The following GRB10 variants were observed in gnomAD, a reference collection of about 807,000 sequenced individuals.
GRB10 encodes the protein growth factor receptor bound protein 10.
GRB10 carries 20 observed loss-of-function variants against 80.9 expected under a neutral mutation model. That is an observed-to-expected ratio of 0.25 (90% confidence interval 0.17 to 0.36). GRB10 has a LOEUF of 0.36. GRB10 is among the 10% of genes least tolerant of loss of function. The pLI is 1.00. For missense variants in GRB10, 548 were observed against 747.7 expected, an observed-to-expected ratio of 0.73 and a Z score of 3.12; for synonymous variants, 291 against 291.5, an observed-to-expected ratio of 1.00 and a Z score of 0.02.
At chr7:50,676,988 C>A (rs889750818) in intron 5 of GRB10, among the ~76,000 whole-genome samples, 21 of 152,138 alleles carry the variant, frequency 1.4e-4, no homozygotes, top group Admixed American at 1.0e-3. Flanking sequence ...CACATTCAAA[C>A]CAGGGCCAGG....
intron 7 of GRB10, among the ~76,000 whole-genome samples, chr7:50,637,465 A>G (rs2153602745): frequency 6.6e-6 from 1 of 152,284 alleles, no homozygotes; most frequent in South Asian, 2.1e-4. Context: ...ATACATACAC[A>G]TAATACGTAA....
chr7:50,783,892 G>GA (rs1432394224), upstream of GRB10, among the ~76,000 whole-genome samples: 1 of 152,212 alleles, frequency 6.6e-6, no homozygotes, highest in Non-Finnish European at 1.5e-5. Flanking sequence ...TCAGGCCCCT[G>GA]AAGGTCACTG....
chr7:50,778,356 A>C (rs1371401788), intron 2 of GRB10, among the ~76,000 whole-genome samples: 1 of 152,218 alleles, frequency 6.6e-6, no homozygotes, highest in African/African-American at 2.4e-5. Flanking sequence ...CCAGCCTAGG[A>C]AGACTGTTAA....
chr7:50,649,602 T>A (rs1467969320), intron 7 of GRB10, among the ~76,000 whole-genome samples: 1 of 152,126 alleles, frequency 6.6e-6, no homozygotes, highest in Non-Finnish European at 1.5e-5. Flanking sequence ...TTCAAATGAC[T>A]CTCTAGAAAT....
At chr7:50,628,575 G>GCA (rs1467596238) in intron 7 of GRB10, among the ~76,000 whole-genome samples, 1 of 149,950 alleles carries the variant, frequency 6.7e-6, no homozygotes, top group Non-Finnish European at 1.5e-5. Context: ...GGGGGTGGTG[G>GCA]GGGTGGTAGA....
chr7:50,781,586 T>C (rs2078284741), intron 1 of GRB10: 1 of 152,312 alleles, frequency 6.6e-6, no homozygotes, highest in Non-Finnish European at 1.5e-5. Context: ...AGGAGAGCTT[T>C]GCGGGTTTAG....
intron 4 of GRB10, among the ~76,000 whole-genome samples, chr7:50,712,857 T>G (rs904257534): frequency 1.3e-5 from 2 of 152,240 alleles, no homozygotes; most frequent in African/African-American, 4.8e-5. Flanking sequence ...ATAAATTTCA[T>G]CTGTTGGAAG....
chr7:50,769,764 G>C (rs2076781720), intron 2 of GRB10, among the ~76,000 whole-genome samples: 1 of 151,900 alleles, frequency 6.6e-6, no homozygotes, highest in Non-Finnish European at 1.5e-5. Context: ...TGCTTTCTCT[G>C]CAACACCCTT....
At chr7:50,614,198 GTA>G (rs1162229996) in intron 12 of GRB10, among the ~76,000 whole-genome samples, 2 of 152,224 alleles carry the variant, frequency 1.3e-5, no homozygotes, top group Non-Finnish European at 2.9e-5. Flanking sequence ...GCACAAAGGT[GTA>G]TGTCTATACC....
At chr7:50,751,128 C>A (rs1021579552) in intron 3 of GRB10, among the ~76,000 whole-genome samples, 7 of 152,138 alleles carry the variant, frequency 4.6e-5, no homozygotes, top group Non-Finnish European at 7.4e-5. Context: ...TTGGACACTG[C>A]CCTCCTCACC....
At chr7:50,707,426 C>A (rs2065190800) in intron 4 of GRB10, among the ~76,000 whole-genome samples, 1 of 152,204 alleles carries the variant, frequency 6.6e-6, no homozygotes. Context: ...ACAGAGCTGC[C>A]CGCTCCCGGG....
intron 8 of GRB10, among the ~76,000 whole-genome samples, chr7:50,619,665 G>A (rs562540148): frequency 6.6e-6 from 1 of 152,314 alleles, no homozygotes; most frequent in African/African-American, 2.4e-5. Flanking sequence ...GAACTTGAAA[G>A]AGGTGGAGGA....
At chr7:50,723,788 G>A (rs553900648) in intron 4 of GRB10, among the ~76,000 whole-genome samples, 7 of 152,280 alleles carry the variant, frequency 4.6e-5, no homozygotes, top group East Asian at 3.9e-4. Context: ...CTCACCTCCC[G>A]CTGGCCACAT....
At chr7:50,661,121 G>A (rs148916045) in intron 7 of GRB10, among the ~76,000 whole-genome samples, 3 of 152,250 alleles carry the variant, frequency 2.0e-5, no homozygotes, top group African/African-American at 7.2e-5. Context: ...ATTTGCAGGA[G>A]AGAGCATTCT....
chr7:50,769,396 G>A (rs1177956669), intron 2 of GRB10, among the ~76,000 whole-genome samples: 3 of 152,100 alleles, frequency 2.0e-5, no homozygotes, highest in East Asian at 3.9e-4. Flanking sequence ...CCTGGGACCC[G>A]AGAAAGAACC....
At chr7:50,656,858 C>T (rs2237456) in intron 7 of GRB10, among the ~76,000 whole-genome samples, 45,984 of 152,126 alleles carry the variant, frequency 0.3, 7,208 homozygotes, top group Middle Eastern at 0.5. Context: ...TAGCAACACA[C>T]ATCCTGAGCT....
chr7:50,699,235 CCTTT>C lies in GRB10; in HGVS notation c.139+4582_139+4585del, dbSNP rs202235907. On this transcript the variant is annotated intron_variant, in intron 5 of 18. Coordinates refer to ENST00000401949, the MANE Select transcript of GRB10 (RefSeq NM_001350814.2). Reference sequence around the variant, plus strand: ...GCAAAAAGACACATATTTCAGTCTTCCTTTCTAATGTTTACATTTTAGTTTCTTC... The same window carrying C: ...GCAAAAAGACACATATTTCAGTCTTCCTAATGTTTACATTTTAGTTTCTTC... 7.7e-3 allele frequency among the ~76,000 whole-genome samples: 1,169 copies of C among 152,270 alleles called. 13 individuals carry two copies. The highest frequency in any genetic ancestry group is 0.026 in the African/African-American group (1,082 of 41,554).
chr7:50,699,918 G>A (rs2063922070), intron 5 of GRB10, among the ~76,000 whole-genome samples: 1 of 152,038 alleles, frequency 6.6e-6, no homozygotes, highest in South Asian at 2.1e-4. Context: ...GGCAGATCAC[G>A]AGGTCAGGAG....
intron 11 of GRB10, 62 bp downstream of exon 11, chr7:50,616,148 A>C: frequency 2.5e-6 from 4 of 1,594,444 alleles, no homozygotes; most frequent in Non-Finnish European, 3.4e-6. Context: ...GTTCACTCTG[A>C]GGACCTGGGG....
Sources: allele counts gnomAD v4.1 joint callset (sites outside exome capture counted in the v4.1 genomes callset), GRCh38; gene constraint gnomAD v4.1.1; transcripts MANE v1.5; gene names NCBI Gene and HGNC (gene_info 2026-07-23, HGNC 2026-07-21).